The following ERICH3 variants were observed in gnomAD, a reference collection of about 807,000 sequenced individuals.
ERICH3 encodes glutamate-rich protein 3.
In ERICH3, 126 loss-of-function variants were observed where a neutral mutation model predicts 131.1. That is an observed-to-expected ratio of 0.96 (90% confidence interval 0.83 to 1.11). The LOEUF is 1.11. ERICH3 is among the 50% of genes most tolerant of loss of function. The pLI, the probability that ERICH3 is intolerant of heterozygous loss-of-function variation, is 0.00. For missense variants in ERICH3, 2,050 were observed against 1,810.7 expected, an observed-to-expected ratio of 1.13 and a Z score of -2.40; for synonymous variants, 695 against 644.6, an observed-to-expected ratio of 1.08 and a Z score of -1.18.
chr1:74,641,453 G>T lies in ERICH3; in HGVS notation c.322C>A (p.His108Asn), dbSNP rs1447700346. Reference protein sequence around the residue: ...KERIQRFKGEHTRRSVENNMP... With the variant: ...KERIQRFKGENTRRSVENNMP... ...TTATTTTCAACAGACCTTCTTGTGT[G>T]CTCTCCCTAGAATAAGAAAGCAATT... Residue 108 changes from histidine (H) to asparagine (N), a missense_variant, in exon 5 of 15, where the codon CAC (histidine) becomes AAC (asparagine). Coordinates refer to ENST00000326665, the MANE Select transcript of ERICH3 (RefSeq NM_001002912.5). 1 of 1,611,174 alleles carries T rather than the reference G, an allele frequency of 6.2e-7. No homozygotes were observed. The highest frequency in any genetic ancestry group is 1.7e-5 in the Admixed American group (1 of 59,396).
Position 74,573,334 on chromosome 1 carries a change from T to C in ERICH3, c.2376A>G (p.Lys792=). ...CTTCTCCCCACAGTGCTGCCTCCCC[T>C]TTTCCCTGTACTATGTCAGCATCTC... is the stretch of plus-strand genomic sequence containing the variant. ...QHRDADIVQG[K]GEAALWGEAG... The change falls in exon 14 of 15, where the codon AAA becomes AAG. Residue 792 remains lysine (K), a synonymous_variant. Transcript: ENST00000326665. 1 of 1,608,416 alleles carries C rather than the reference T, an allele frequency of 6.2e-7. No individual in the cohort carries two copies. The highest frequency in any genetic ancestry group is 8.5e-7 in the Non-Finnish European group (1 of 1,177,840).
chr1:74,582,219 C>G (rs1647193229), intron 12 of ERICH3, among the ~76,000 whole-genome samples: 1 of 152,096 alleles, frequency 6.6e-6, no homozygotes, highest in African/African-American at 2.4e-5. Context: ...CTGCTTCCAG[C>G]CTCTTCTAAT....
chr1:74,642,998 A>G, intron 4 of ERICH3, 29 bp downstream of exon 4: 1 of 1,456,700 alleles, frequency 6.9e-7, no homozygotes, highest in Non-Finnish European at 9.6e-7. Flanking sequence ...TAATACTATG[A>G]AGTAAAAGAG....
chr1:74,577,112 T>C lies in ERICH3; in HGVS notation c.2177-176A>G, dbSNP rs72984958. ...GAAAATTCCTACCAGTATTGTATAA[T>C]CTAATGTTCTTTTATTTAATCCTAG... On this transcript the variant is annotated intron_variant, in intron 12 of 14. Coordinates refer to ENST00000326665, the MANE Select transcript of ERICH3 (RefSeq NM_001002912.5). 1.9e-4 allele frequency: 103 copies of C among 542,046 alleles called. No homozygotes were observed. In the African/African-American group the frequency reaches 1.9e-3, roughly 10 times the overall value. 33.6% of individuals were successfully genotyped at this position (542,046 alleles called of 1,614,324 possible). A position where few individuals can be genotyped will look rare whatever the true frequency, so the allele number is the denominator to read the frequency against.
At chr1:74,609,170 T>C (rs866078928) in intron 9 of ERICH3, among the ~76,000 whole-genome samples, 1 of 152,184 alleles carries the variant, frequency 6.6e-6, no homozygotes, top group Middle Eastern at 3.4e-3. Context: ...ACTACGCCTC[T>C]TCAAACAGTT....
At position 74,573,126 on chromosome 1, in the gene ERICH3, C is replaced by T. The variant is rs1327849448; in HGVS notation, c.2584G>A (p.Ala862Thr). 1.2e-6 allele frequency: 2 copies of T among 1,613,914 alleles called. No homozygotes were observed. The highest frequency in any genetic ancestry group is 2.2e-5 in the South Asian group (2 of 91,020). ...GEGGSDPIGQ[A>T]AAKDAVGLSK... ...AGACCCACAGCATCTTTTGCTGCTG[C>T]TTGTCCTATGGGGTCTGACCCCCCT... Residue 862 changes from alanine to threonine, a missense_variant, in exon 14 of 15, where the codon GCA (alanine) becomes ACA (threonine). Ala to Thr is a moderately conservative substitution (Grantham distance 58, BLOSUM62 0). Transcript: ENST00000326665.
At chr1:74,586,463 G>A (rs1221938967) in intron 12 of ERICH3, 7 of 984,286 alleles carry the variant, frequency 7.1e-6, no homozygotes, top group East Asian at 1.1e-4. Flanking sequence ...AAGGTTGGGC[G>A]AGAAAGACTT....
intron 10 of ERICH3, among the ~76,000 whole-genome samples, chr1:74,605,701 C>G (rs1357756689): frequency 6.6e-6 from 1 of 151,650 alleles, no homozygotes; most frequent in East Asian, 1.9e-4. Flanking sequence ...CACTTTCTTA[C>G]ATGGTACAGC....
At chr1:74,596,401 A>G (rs1647852603) in intron 11 of ERICH3, among the ~76,000 whole-genome samples, 1 of 152,066 alleles carries the variant, frequency 6.6e-6, no homozygotes, top group Non-Finnish European at 1.5e-5. Context: ...GTTTCAGTGC[A>G]TGTACACATA....
At position 74,571,039 on chromosome 1, in the gene ERICH3, G is replaced by C; in HGVS notation, c.*18+60C>G. On this transcript the variant is annotated intron_variant, in intron 14 of 14. Coordinates refer to ENST00000326665, the MANE Select transcript of ERICH3 (RefSeq NM_001002912.5). Reference sequence around the variant, plus strand: ...ATAAAGGGACAAGCCAGCCCCAAGGGGAGGAGACCCACCGCAGGGCTGCTA... The same window carrying C: ...ATAAAGGGACAAGCCAGCCCCAAGGCGAGGAGACCCACCGCAGGGCTGCTA... 2.6e-6 allele frequency: 4 copies of C among 1,537,864 alleles called. No homozygotes were observed. In the South Asian group the frequency reaches 5.0e-5, roughly 19 times the overall value.
intron 1 of ERICH3, among the ~76,000 whole-genome samples, chr1:74,660,418 T>A (rs1646629477): frequency 6.6e-6 from 1 of 151,670 alleles, no homozygotes; most frequent in Admixed American, 6.6e-5. Flanking sequence ...CCATTGTGTG[T>A]CAAATATACT....
chr1:74,593,295 A>G lies in ERICH3; in HGVS notation c.1727-3215T>C, dbSNP rs573898659. Among the ~76,000 whole-genome samples the G allele has an allele frequency of 7.2e-5, 11 of 152,228 alleles. No individual in the cohort carries two copies. The South Asian group carries it at 1.0e-3, about 14-fold the overall frequency. ...TCTTTCTTTCTTTTTTGGCATCACT[A>G]TAATTAAAATCTTGTTTGACACAGC... On this transcript the variant is annotated intron_variant, in intron 11 of 14. Coordinates refer to ENST00000326665, the MANE Select transcript of ERICH3 (RefSeq NM_001002912.5).
chr1:74,593,990 T>C (rs1647726714), intron 11 of ERICH3, among the ~76,000 whole-genome samples: 1 of 152,094 alleles, frequency 6.6e-6, no homozygotes, highest in Non-Finnish European at 1.5e-5. Context: ...CAGGAAATTG[T>C]TCTCTTTCAA....
intron 10 of ERICH3, 78 bp from the exon 11 acceptor site, chr1:74,600,009 T>A: frequency 1.0e-6 from 1 of 1,001,826 alleles, no homozygotes; most frequent in Non-Finnish European, 1.5e-6. Flanking sequence ...AATGAGAACT[T>A]TGACTCCATT....
chr1:74,619,704 A>C (rs570119526), intron 8 of ERICH3, among the ~76,000 whole-genome samples: 2 of 152,368 alleles, frequency 1.3e-5, no homozygotes, highest in East Asian at 3.9e-4. Flanking sequence ...GGAATGCTAC[A>C]GCAAAATAAA....
chr1:74,602,493 T>A (rs1183542128), intron 10 of ERICH3, among the ~76,000 whole-genome samples: 1 of 151,964 alleles, frequency 6.6e-6, no homozygotes, highest in Admixed American at 6.6e-5. Context: ...AATGAGGACG[T>A]GAGTCAACAC....
At chr1:74,653,530 A>C (rs1428007227) in intron 1 of ERICH3, among the ~76,000 whole-genome samples, 1 of 152,126 alleles carries the variant, frequency 6.6e-6, no homozygotes, top group Admixed American at 6.5e-5. Flanking sequence ...TCAGGCACTG[A>C]ATCCTGAGCT....
chr1:74,666,247 A>T (rs2100658974), intron 1 of ERICH3, among the ~76,000 whole-genome samples: 1 of 152,268 alleles, frequency 6.6e-6, no homozygotes, highest in East Asian at 1.9e-4. Flanking sequence ...TACAAAAGAG[A>T]CAAGGGGATA....
chr1:74,658,195 C>A (rs1646603817), intron 1 of ERICH3, among the ~76,000 whole-genome samples: 1 of 152,154 alleles, frequency 6.6e-6, no homozygotes, highest in Admixed American at 6.6e-5. Context: ...ACTGAATGTT[C>A]TCTATGAGGT....
Sources: gnomAD v4.1 joint callset for allele counts (sites outside exome capture counted in the v4.1 genomes callset) on GRCh38, gnomAD v4.1.1 for gene constraint, MANE v1.5 for transcripts, NCBI Gene and HGNC (gene_info 2026-07-23, HGNC 2026-07-21) for gene names.